SGCZ: variants seen among roughly 807,000 people sequenced by gnomAD.
The protein encoded by SGCZ is sarcoglycan zeta.
SGCZ carries 40 observed loss-of-function variants against 41.3 expected under a neutral mutation model. That is an observed-to-expected ratio of 0.97 (90% CI 0.75 to 1.26). The LOEUF is 1.26. SGCZ is among the 50% of genes most tolerant of loss of function. The pLI, the probability that SGCZ is intolerant of heterozygous loss-of-function variation, is 0.00. For missense variants in SGCZ, 552 were observed against 369.8 expected (o/e 1.49, Z -4.04); for synonymous variants, 206 against 137.5 (o/e 1.50, Z -3.49).
At chr8:14,296,843 C>A (rs1047629467) in intron 3 of SGCZ, among the ~76,000 whole-genome samples, 5 of 151,932 alleles carry the variant, frequency 3.3e-5, no homozygotes, top group Admixed American at 1.3e-4. Context: ...GATACTAGCC[C>A]AAGCATATCA....
chr8:14,358,653 C>A (rs1461043500), intron 2 of SGCZ, among the ~76,000 whole-genome samples: 1 of 151,962 alleles, frequency 6.6e-6, no homozygotes. Flanking sequence ...GCTCTGCTGC[C>A]CAGGCTGGAG....
chr8:14,871,972 G>A (rs1422211690), intron 1 of SGCZ, among the ~76,000 whole-genome samples: 3 of 151,406 alleles, frequency 2.0e-5, no homozygotes, highest in Non-Finnish European at 4.4e-5. Context: ...TATACACCAT[G>A]GAACACTATG....
chr8:14,985,911 T>C (rs1801812413), intron 1 of SGCZ, among the ~76,000 whole-genome samples: 1 of 152,160 alleles, frequency 6.6e-6, no homozygotes, highest in Non-Finnish European at 1.5e-5. Flanking sequence ...AGATGAAAAC[T>C]TTCAGAATTG....
chr8:14,100,820 T>C (rs1801997096), intron 7 of SGCZ, among the ~76,000 whole-genome samples: 1 of 151,956 alleles, frequency 6.6e-6, no homozygotes, highest in Non-Finnish European at 1.5e-5. Flanking sequence ...CTCATCATTA[T>C]ATCTGAAGAG....
intron 1 of SGCZ, among the ~76,000 whole-genome samples, chr8:14,884,205 G>T (rs983522531): frequency 2.0e-5 from 3 of 152,186 alleles, no homozygotes; most frequent in East Asian, 3.9e-4. Context: ...TAAGTGTCTT[G>T]TTTAGAATCC....
intron 4 of SGCZ, among the ~76,000 whole-genome samples, chr8:14,218,478 C>G (rs34223868): frequency 6.6e-6 from 1 of 152,156 alleles, no homozygotes; most frequent in East Asian, 1.9e-4. Flanking sequence ...AAAACTCAAT[C>G]TTGTAAAGAC....
At chr8:14,532,046 T>A (rs1903594) in intron 2 of SGCZ, among the ~76,000 whole-genome samples, 33,620 of 152,104 alleles carry the variant, frequency 0.22, 4,678 homozygotes, top group Non-Finnish European at 0.32. Context: ...AAATCATTTT[T>A]CTTTAGCAAT....
intron 1 of SGCZ, among the ~76,000 whole-genome samples, chr8:15,097,599 T>TA (rs999490042): frequency 1.9e-4 from 28 of 150,484 alleles, no homozygotes; most frequent in African/African-American, 6.6e-4. Flanking sequence ...AAATAAAAAT[T>TA]AAAAAAAATC....
chr8:14,931,288 A>G (rs905007642), intron 1 of SGCZ, among the ~76,000 whole-genome samples: 2 of 152,052 alleles, frequency 1.3e-5, no homozygotes, highest in African/African-American at 4.8e-5. Flanking sequence ...GATAACATGA[A>G]TTTGCAGTCA....
chr8:14,978,976 T>C (rs951010814), intron 1 of SGCZ, among the ~76,000 whole-genome samples: 1 of 152,090 alleles, frequency 6.6e-6, no homozygotes, highest in African/African-American at 2.4e-5. Flanking sequence ...TGTTTATATT[T>C]TTGATACAGA....
intron 1 of SGCZ, among the ~76,000 whole-genome samples, chr8:15,201,744 T>C (rs754047017): frequency 6.6e-6 from 1 of 152,156 alleles, no homozygotes; most frequent in African/African-American, 2.4e-5. Flanking sequence ...AAACTGAACC[T>C]ACCCCCACCT....
chr8:15,149,628 A>T (rs893645487), intron 1 of SGCZ, among the ~76,000 whole-genome samples: 3 of 149,294 alleles, frequency 2.0e-5, no homozygotes, highest in Non-Finnish European at 3.0e-5. Flanking sequence ...CATTGCTAAG[A>T]TTGAAAATAT....
chr8:14,714,665 C>T (rs1809630317), intron 1 of SGCZ, among the ~76,000 whole-genome samples: 1 of 151,432 alleles, frequency 6.6e-6, no homozygotes, highest in Non-Finnish European at 1.5e-5. Context: ...GTAAAATATC[C>T]AAGAGAAAAC....
At chr8:14,732,570 C>G (rs966387307) in intron 1 of SGCZ, among the ~76,000 whole-genome samples, 16 of 152,328 alleles carry the variant, frequency 1.1e-4, no homozygotes, top group African/African-American at 3.8e-4. Flanking sequence ...GCCCCTCACA[C>G]TCCACTGCAG....
At chr8:14,809,145 G>T (rs1438075986) in intron 1 of SGCZ, among the ~76,000 whole-genome samples, 1 of 151,978 alleles carries the variant, frequency 6.6e-6, no homozygotes, top group African/African-American at 2.4e-5. Flanking sequence ...ACAAGTTAGT[G>T]GGTGTAGCAC....
At chr8:14,938,375 T>G (rs1423571211) in intron 1 of SGCZ, among the ~76,000 whole-genome samples, 1 of 152,150 alleles carries the variant, frequency 6.6e-6, no homozygotes, top group Non-Finnish European at 1.5e-5. Flanking sequence ...GACCAATCCC[T>G]CCTCTTCCTC....
At chr8:15,177,568 C>T (rs1800037231) in intron 1 of SGCZ, among the ~76,000 whole-genome samples, 1 of 151,994 alleles carries the variant, frequency 6.6e-6, no homozygotes, top group Non-Finnish European at 1.5e-5. Flanking sequence ...AAGAAATTTG[C>T]AAAATGTTGA....
chr8:14,399,610 G>C (rs1048123588), intron 2 of SGCZ, among the ~76,000 whole-genome samples: 6 of 151,774 alleles, frequency 4.0e-5, no homozygotes, highest in Admixed American at 6.6e-5. Context: ...TCAGTATTTT[G>C]CAAATGCAAA....
At chr8:14,901,999 C>T (rs1347578439) in intron 1 of SGCZ, among the ~76,000 whole-genome samples, 1 of 152,150 alleles carries the variant, frequency 6.6e-6, no homozygotes, top group Non-Finnish European at 1.5e-5. Context: ...TATAACATAT[C>T]ACTAATTGTA....
Sources: gnomAD v4.1 joint callset for allele counts (sites outside exome capture counted in the v4.1 genomes callset) on GRCh38, gnomAD v4.1.1 for gene constraint, MANE v1.5 for transcripts, NCBI Gene and HGNC (gene_info 2026-07-23, HGNC 2026-07-21) for gene names.